The following USP15 variants were observed in gnomAD, a reference collection of about 807,000 sequenced individuals.
USP15 encodes ubiquitin specific peptidase 15, also known as ubiquitin carboxyl-terminal hydrolase 15.
Under a neutral mutation model 127.1 loss-of-function variants are expected in USP15, and 18 were observed. The ratio of observed to expected loss-of-function variants is 0.14; its 90% CI spans 0.10 to 0.21. USP15 has a LOEUF of 0.21. Among genes scored for constraint, USP15 ranks in the 10% least tolerant of loss-of-function variants. The pLI, the probability that USP15 is intolerant of heterozygous loss-of-function variation, is 1.00. For missense variants in USP15, 805 were observed against 1,159.9 expected, an observed-to-expected ratio of 0.69 and a Z score of 4.44; for synonymous variants, 364 against 393.7, an observed-to-expected ratio of 0.92 and a Z score of 0.89.
At chr12:62,323,937 A>T (rs2065058329) in intron 5 of USP15, among the ~76,000 whole-genome samples, 1 of 152,016 alleles carries the variant, frequency 6.6e-6, no homozygotes, top group African/African-American at 2.4e-5. Context: ...TAGTCATTAA[A>T]TTTTTCAGAC....
chr12:62,392,031 A>T, intron 17 of USP15, 145 bp downstream of exon 17: 1 of 920,732 alleles, frequency 1.1e-6, no homozygotes, highest in South Asian at 1.9e-5. Flanking sequence ...AACTAGAAAA[A>T]AAAGTCTTTG....
intron 6 of USP15, among the ~76,000 whole-genome samples, chr12:62,330,160 G>A (rs558825553): frequency 5.3e-5 from 8 of 151,954 alleles, no homozygotes; most frequent in Admixed American, 2.0e-4. Context: ...GAAGGAAATC[G>A]GAGTAGAGAT....
At chr12:62,329,696 G>A (rs988818477) in intron 6 of USP15, among the ~76,000 whole-genome samples, 1 of 152,108 alleles carries the variant, frequency 6.6e-6, no homozygotes, top group Non-Finnish European at 1.5e-5. Context: ...TGAGAAGATA[G>A]ACAAACTCAC....
At chr12:62,265,142 G>A (rs577436613) in intron 1 of USP15, among the ~76,000 whole-genome samples, 5 of 152,222 alleles carry the variant, frequency 3.3e-5, no homozygotes, top group South Asian at 4.1e-4. Flanking sequence ...CAATGATTTC[G>A]TTTATCTGTT....
intron 5 of USP15, among the ~76,000 whole-genome samples, chr12:62,324,707 A>T (rs756675478): frequency 2.6e-5 from 4 of 151,924 alleles, no homozygotes; most frequent in East Asian, 1.9e-4. Flanking sequence ...GAAATAATAG[A>T]TTTTTTAAAG....
intron 6 of USP15, among the ~76,000 whole-genome samples, chr12:62,330,291 A>G (rs1217493311): frequency 6.7e-6 from 1 of 150,144 alleles, no homozygotes; most frequent in East Asian, 1.9e-4. Context: ...GCCTGGCTTG[A>G]AAAAAAAACA....
At chr12:62,393,887 T>A (rs1347614449) in intron 19 of USP15, 1 of 152,230 alleles carries the variant, frequency 6.6e-6, no homozygotes, top group African/African-American at 2.4e-5. Flanking sequence ...CAGCCCTAAA[T>A]ATGCTGTTTT....
At position 62,410,562 on chromosome 12, in the gene USP15, TAAAC is replaced by T. The variant is rs2068014259; in HGVS notation, c.*6189_*6192del. On this transcript the variant is annotated 3_prime_UTR_variant, in exon 22 of 22. Coordinates refer to ENST00000280377, the MANE Select transcript of USP15 (RefSeq NM_001252078.2). ...GAAGTAATACTGCAAATTCAAACAG[TAAAC>T]ATCATTAATCCTAGATATTTGGGTA... The T allele has an allele frequency of 6.6e-6, 1 of 152,140 alleles. No individual in the cohort carries two copies. Among genetic ancestry groups the T allele is most frequent in the Admixed American group, 6.6e-5 (1 of 15,260 alleles). 9.4% of individuals were successfully genotyped at this position (152,140 alleles called of 1,614,324 possible). A position where few individuals can be genotyped will look rare whatever the true frequency, so the allele number is the denominator to read the frequency against.
In USP15 at chr12:62,415,198, AC is replaced by A. The variant is rs1457344693; in HGVS notation, c.*10826del. 6.6e-6 allele frequency: 1 copy of A among 152,182 alleles called. No individual in the cohort carries two copies. Among genetic ancestry groups the A allele is most frequent in the Non-Finnish European group, 1.5e-5 (1 of 68,050 alleles). The allele number at this position is 152,182 out of a possible 1,614,324, so 9.4% of individuals were successfully genotyped here. A position where few individuals can be genotyped will look rare whatever the true frequency, so the allele number is the denominator to read the frequency against. ...CAGTCCACAAGCTACCTGGCTAAAGACCCAGGAAGACTGAATGTTTCAGTTT... is the reference window on the plus strand; with the variant it reads ...CAGTCCACAAGCTACCTGGCTAAAGACCAGGAAGACTGAATGTTTCAGTTT... On this transcript the variant is annotated 3_prime_UTR_variant, in exon 22 of 22. Transcript: ENST00000280377.
At chr12:62,263,986 C>G (rs547549392) in intron 1 of USP15, among the ~76,000 whole-genome samples, 1 of 152,026 alleles carries the variant, frequency 6.6e-6, no homozygotes, top group Admixed American at 6.5e-5. Context: ...ATAAAATACT[C>G]TCTTTGGAAA....
chr12:62,320,522 T>G (rs1452518680), intron 4 of USP15, among the ~76,000 whole-genome samples: 1 of 152,090 alleles, frequency 6.6e-6, no homozygotes, highest in African/African-American at 2.4e-5. Flanking sequence ...GTATATTTAT[T>G]TTATGTAATT....
At chr12:62,304,375 G>A (rs770927688) in intron 3 of USP15, among the ~76,000 whole-genome samples, 6 of 152,114 alleles carry the variant, frequency 3.9e-5, no homozygotes, top group Admixed American at 1.3e-4. Context: ...ATTACATTGC[G>A]TGGAGTTCTT....
intron 8 of USP15, among the ~76,000 whole-genome samples, chr12:62,376,427 G>GTTTTATGATCA (rs1392137511): frequency 2.0e-5 from 3 of 152,032 alleles, no homozygotes; most frequent in African/African-American, 7.2e-5. Context: ...TAAGAAATAT[G>GTTTTATGATCA]TTTTATGATC....
chr12:62,329,909 CAG>C (rs965652448), intron 6 of USP15, among the ~76,000 whole-genome samples: 1 of 152,136 alleles, frequency 6.6e-6, no homozygotes, highest in Admixed American at 6.5e-5. Flanking sequence ...ACCCAGCACT[CAG>C]AGGAATTTTT....
intron 5 of USP15, among the ~76,000 whole-genome samples, chr12:62,322,860 C>T (rs2065023244): frequency 6.6e-6 from 1 of 152,198 alleles, no homozygotes; most frequent in South Asian, 2.1e-4. Flanking sequence ...AACTGAGCTG[C>T]TTATAGTTCC....
chr12:62,333,805 A>G (rs1045178025), intron 6 of USP15, among the ~76,000 whole-genome samples: 9 of 152,198 alleles, frequency 5.9e-5, no homozygotes, highest in African/African-American at 1.9e-4. Flanking sequence ...ATATTCCTAT[A>G]AATGGGAATA....
intron 6 of USP15, chr12:62,335,113 G>A: frequency 6.6e-7 from 1 of 1,515,682 alleles, no homozygotes; most frequent in Non-Finnish European, 8.9e-7. Flanking sequence ...TAAGTGGTTT[G>A]ATGTCTAGTT....
At chr12:62,355,293 T>C in intron 7 of USP15, 38 bp from the exon 8 acceptor site, 4 of 1,537,338 alleles carry the variant, frequency 2.6e-6, no homozygotes, top group Non-Finnish European at 3.5e-6. Flanking sequence ...TATGTTGTAA[T>C]ATAATTGGCT....
intron 1 of USP15, 140 bp downstream of exon 1, chr12:62,260,643 T>C (rs1383973179): frequency 1.3e-6 from 1 of 753,812 alleles, no homozygotes; most frequent in Non-Finnish European, 2.2e-6. Flanking sequence ...TTTTGGCCGC[T>C]TCTGAAATGT....
Sources: allele counts gnomAD v4.1 joint callset (sites outside exome capture counted in the v4.1 genomes callset), GRCh38; gene constraint gnomAD v4.1.1; transcripts MANE v1.5; gene names NCBI Gene and HGNC (gene_info 2026-07-23, HGNC 2026-07-21).